TMCC1: variants seen among roughly 807,000 people sequenced by gnomAD.
The protein encoded by TMCC1 is transmembrane and coiled-coil domain family 1.
Under a neutral mutation model 52.4 loss-of-function variants are expected in TMCC1, and 15 were observed. The observed-to-expected ratio is 0.29, with a 90% CI of 0.19 to 0.44. TMCC1 has a LOEUF of 0.44. Ranked by LOEUF, TMCC1 falls within the 20% of genes least tolerant of loss-of-function variation. The pLI, the probability that TMCC1 is intolerant of heterozygous loss-of-function variation, is 1.00. For synonymous variants in TMCC1, 279 were observed against 301.9 expected (o/e 0.92, Z 0.79); for missense variants, 503 against 806.0 (o/e 0.62, Z 4.55).
intron 4 of TMCC1, among the ~76,000 whole-genome samples, chr3:129,793,208 G>A (rs574869989): frequency 5.3e-5 from 8 of 152,076 alleles, no homozygotes; most frequent in African/African-American, 1.4e-4. Flanking sequence ...CAGGGGGGAA[G>A]GGAGCAAGTT....
intron 4 of TMCC1, among the ~76,000 whole-genome samples, chr3:129,671,744 G>C (rs961696764): frequency 1.3e-5 from 2 of 152,152 alleles, no homozygotes; most frequent in African/African-American, 4.8e-5. Context: ...GCAAGAATAG[G>C]TATGTTACTG....
At chr3:129,863,442 A>G (rs549285789) in intron 2 of TMCC1, among the ~76,000 whole-genome samples, 1 of 152,316 alleles carries the variant, frequency 6.6e-6, no homozygotes, top group East Asian at 1.9e-4. Context: ...CTGTTCTATA[A>G]TCTAAACTTC....
chr3:129,804,989 T>C (rs1206742090), intron 4 of TMCC1, among the ~76,000 whole-genome samples: 1 of 152,190 alleles, frequency 6.6e-6, no homozygotes, highest in Non-Finnish European at 1.5e-5. Flanking sequence ...TCACCACTTT[T>C]GTGAGCCAAA....
At chr3:129,750,753 T>C (rs1482870813) in intron 4 of TMCC1, among the ~76,000 whole-genome samples, 1 of 150,594 alleles carries the variant, frequency 6.6e-6, no homozygotes, top group Non-Finnish European at 1.5e-5. Flanking sequence ...TTTTTTGTAT[T>C]TTTAGTAGAG....
chr3:129,855,096 A>G (rs1447703854), intron 2 of TMCC1, among the ~76,000 whole-genome samples: 1 of 152,228 alleles, frequency 6.6e-6, no homozygotes, highest in Non-Finnish European at 1.5e-5. Flanking sequence ...GATCTTCACT[A>G]TACTAAATTT....
At chr3:129,762,989 G>A (rs901653469) in intron 4 of TMCC1, among the ~76,000 whole-genome samples, 21 of 151,530 alleles carry the variant, frequency 1.4e-4, no homozygotes, top group African/African-American at 4.8e-4. Context: ...ATGAGGTCAG[G>A]AGATCGAGAC....
At chr3:129,789,939 A>G (rs1317615240) in intron 4 of TMCC1, among the ~76,000 whole-genome samples, 1 of 152,030 alleles carries the variant, frequency 6.6e-6, no homozygotes, top group Non-Finnish European at 1.5e-5. Context: ...CAGAACTAGG[A>G]AAAGATGCCA....
chr3:129,795,093 A>T (rs1000018136), intron 4 of TMCC1, among the ~76,000 whole-genome samples: 3 of 152,214 alleles, frequency 2.0e-5, no homozygotes, highest in Non-Finnish European at 4.4e-5. Context: ...TGTCAGGTGC[A>T]GAGAGGCATA....
intron 4 of TMCC1, among the ~76,000 whole-genome samples, chr3:129,756,423 C>CT (rs201649588): frequency 9.3e-5 from 14 of 151,182 alleles, no homozygotes; most frequent in South Asian, 2.1e-4. Context: ...ATTTGTTTTG[C>CT]TTTTTTTTTG....
chr3:129,672,887 G>A (rs896823096), intron 4 of TMCC1, among the ~76,000 whole-genome samples: 9 of 151,904 alleles, frequency 5.9e-5, no homozygotes, highest in Non-Finnish European at 1.3e-4. Context: ...TTTCATCTGG[G>A]ATGTATTACC....
intron 4 of TMCC1, among the ~76,000 whole-genome samples, chr3:129,755,720 A>G (rs946494105): frequency 4.5e-4 from 69 of 152,234 alleles, no homozygotes; most frequent in African/African-American, 1.7e-3. Context: ...AATACCCAAA[A>G]TCCAGAAACA....
intron 4 of TMCC1, among the ~76,000 whole-genome samples, chr3:129,798,761 T>C (rs534561858): frequency 4.6e-5 from 7 of 152,320 alleles, no homozygotes; most frequent in Non-Finnish European, 8.8e-5. Context: ...AATAGCTCAT[T>C]AACAAATAAC....
chr3:129,869,911 A>G (rs983624319), intron 2 of TMCC1, among the ~76,000 whole-genome samples: 3 of 152,262 alleles, frequency 2.0e-5, no homozygotes, highest in African/African-American at 7.2e-5. Flanking sequence ...CAACAGCAGA[A>G]GAGACAATTA....
intron 4 of TMCC1, among the ~76,000 whole-genome samples, chr3:129,676,539 A>C (rs1279401844): frequency 6.6e-6 from 1 of 152,254 alleles, no homozygotes; most frequent in East Asian, 1.9e-4. Flanking sequence ...CAACACCTCA[A>C]CATAATCAGG....
chr3:129,886,954 C>A (rs1278373347), intron 1 of TMCC1, among the ~76,000 whole-genome samples: 3 of 151,280 alleles, frequency 2.0e-5, no homozygotes, highest in African/African-American at 7.3e-5. Flanking sequence ...ATAAAATAAA[C>A]AAAAAAAACC....
intron 4 of TMCC1, among the ~76,000 whole-genome samples, chr3:129,748,867 G>C (rs1443062430): frequency 6.6e-6 from 1 of 151,954 alleles, no homozygotes; most frequent in Non-Finnish European, 1.5e-5. Flanking sequence ...GCTGGGCCTG[G>C]TGACTTATAC....
intron 4 of TMCC1, among the ~76,000 whole-genome samples, chr3:129,702,903 C>T (rs551354586): frequency 6.6e-6 from 1 of 152,278 alleles, no homozygotes; most frequent in South Asian, 2.1e-4. Context: ...GTAATCTCAG[C>T]TACTTGGAAG....
chr3:129,761,162 A>C (rs1002931435), intron 4 of TMCC1, among the ~76,000 whole-genome samples: 2 of 151,232 alleles, frequency 1.3e-5, no homozygotes, highest in Non-Finnish European at 3.0e-5. Flanking sequence ...CGTCTCTACT[A>C]AAAATACAAA....
chr3:129,842,562 T>A (rs2107872185), intron 2 of TMCC1, among the ~76,000 whole-genome samples: 1 of 151,872 alleles, frequency 6.6e-6, no homozygotes, highest in South Asian at 2.1e-4. Flanking sequence ...TTGACCTGAG[T>A]GACATTTGTA....
Sources: gnomAD v4.1 joint callset for allele counts (sites outside exome capture counted in the v4.1 genomes callset) on GRCh38, gnomAD v4.1.1 for gene constraint, MANE v1.5 for transcripts, NCBI Gene and HGNC (gene_info 2026-07-23, HGNC 2026-07-21) for gene names.